POLQ: variants seen among roughly 807,000 people sequenced by gnomAD.
POLQ encodes the protein DNA polymerase theta.
In POLQ, 233 loss-of-function variants were observed where a neutral mutation model predicts 259.2. The observed-to-expected ratio is 0.90, with a 90% CI of 0.81 to 1.00. The LOEUF (loss-of-function observed/expected upper bound fraction) is 1.00. Ranked by LOEUF, POLQ falls within the 50% of genes least tolerant of loss-of-function variation. POLQ has a pLI of 0.00. For missense variants in POLQ, 2,871 were observed against 3,051.6 expected, an observed-to-expected ratio of 0.94 and a Z score of 1.39; for synonymous variants, 1,025 against 1,048.8, an observed-to-expected ratio of 0.98 and a Z score of 0.44.
chr3:121,525,617 C>T (rs983391626), intron 7 of POLQ, among the ~76,000 whole-genome samples: 1 of 152,124 alleles, frequency 6.6e-6, no homozygotes, highest in East Asian at 1.9e-4. Context: ...GGTACCAATC[C>T]TTTCGCCATT....
chr3:121,524,607 A>T (rs945747559), intron 7 of POLQ, among the ~76,000 whole-genome samples: 1 of 152,096 alleles, frequency 6.6e-6, no homozygotes, highest in African/African-American at 2.4e-5. Context: ...GAGTGAAAGC[A>T]AGCTAGATAC....
At chr3:121,475,604 T>G (rs1232389006) in intron 20 of POLQ, among the ~76,000 whole-genome samples, 2 of 152,184 alleles carry the variant, frequency 1.3e-5, no homozygotes, top group Admixed American at 1.3e-4. Flanking sequence ...GTTATATATT[T>G]AGAAGTTCTT....
At chr3:121,453,899 C>T (rs1336842591) in intron 25 of POLQ, among the ~76,000 whole-genome samples, 3 of 152,094 alleles carry the variant, frequency 2.0e-5, no homozygotes, top group African/African-American at 2.4e-5. Flanking sequence ...AGATACTCCT[C>T]GAGAAGAGCA....
intron 5 of POLQ, among the ~76,000 whole-genome samples, chr3:121,535,467 G>C (rs1167513883): frequency 6.6e-6 from 1 of 152,034 alleles, no homozygotes; most frequent in Non-Finnish European, 1.5e-5. Context: ...TATAAACCTA[G>C]CACTTTGGGA....
At chr3:121,497,001 A>G in intron 13 of POLQ, 69 bp from the exon 14 acceptor site, 1 of 1,532,392 alleles carries the variant, frequency 6.5e-7, no homozygotes, top group Non-Finnish European at 8.9e-7. Context: ...GTGTGTTGAA[A>G]AATGACTAAG....
rs185878151 is a variant in POLQ at position 121,472,314 on chromosome 3, G to A, written c.6544-150C>T. On this transcript the variant is annotated intron_variant, in intron 21 of 29. Transcript: ENST00000264233. ...ATTACTTGGAGTTTTTTAAACCACC[G>A]TATTGATAAAACTATAACTACAGTT... is the stretch of plus-strand genomic sequence containing the variant. 2.2e-3 allele frequency: 984 copies of A among 446,540 alleles called. 5 individuals carry two copies. Among genetic ancestry groups the A allele is most frequent in the Non-Finnish European group, 3.2e-3 (808 of 250,888 alleles). The allele number at this position is 446,540 out of a possible 1,614,324, so 27.7% of individuals were successfully genotyped here.
chr3:121,539,788 TAA>T (rs972433302), intron 3 of POLQ, among the ~76,000 whole-genome samples, 199 bp from the exon 4 acceptor site: 2 of 152,170 alleles, frequency 1.3e-5, no homozygotes, highest in Admixed American at 6.5e-5. Context: ...ACAAAACTGT[TAA>T]GAGTCAAATA....
At position 121,522,108 on chromosome 3, in the gene POLQ, G is replaced by T; in HGVS notation, c.1150C>A (p.Gln384Lys). Residue 384 changes from glutamine to lysine, a missense_variant, in exon 8 of 30, where the codon CAA becomes AAA. Coordinates refer to ENST00000264233, the MANE Select transcript of POLQ (RefSeq NM_199420.4). ...TCCATCACTTCCAGGAGTTCTTTTT[G>T]TTCCAGAATTACTGGTGGGCATTCA... is the stretch of plus-strand genomic sequence containing the variant. ...PSECPPVILE[Q>K]KELLEVMDQL... is the part of the protein sequence containing the mutation. The T allele has an allele frequency of 1.2e-6, 2 of 1,609,372 alleles. No individual in the cohort carries two copies. Among genetic ancestry groups the T allele is most frequent in the Non-Finnish European group, 1.7e-6 (2 of 1,178,062 alleles).
intron 25 of POLQ, among the ~76,000 whole-genome samples, chr3:121,452,297 C>T (rs2047684926): frequency 6.6e-6 from 1 of 152,088 alleles, no homozygotes; most frequent in African/African-American, 2.4e-5. Context: ...CACTGTCCAA[C>T]AAGCCCCAGT....
chr3:121,539,370 G>C (rs1253624563), intron 4 of POLQ, 63 bp downstream of exon 4: 1 of 1,281,854 alleles, frequency 7.8e-7, no homozygotes, highest in African/African-American at 1.5e-5. Flanking sequence ...AATCACAACA[G>C]CTCCACTTCA....
intron 26 of POLQ, among the ~76,000 whole-genome samples, chr3:121,441,522 G>A (rs4676677): frequency 0.69 from 105,156 of 152,000 alleles, 36,546 homozygotes; most frequent in East Asian, 0.89. Flanking sequence ...TTTTGCTAAG[G>A]AAAACATTTT....
At chr3:121,473,727 CTTTT>C (rs10636473) in intron 20 of POLQ, among the ~76,000 whole-genome samples, 2 of 114,262 alleles carry the variant, frequency 1.8e-5, no homozygotes, top group Admixed American at 1.0e-4. Flanking sequence ...AACACAAGGC[CTTTT>C]TTTTTTTTTT....
rs1358661708 is a variant in POLQ, at chr3:121,487,834, A to T, written c.5097T>A (p.Asn1699Lys). 6.2e-7 allele frequency: 1 copy of T among 1,609,664 alleles called. No individual in the cohort carries two copies. Among genetic ancestry groups the T allele is most frequent in the Non-Finnish European group, 8.5e-7 (1 of 1,178,812 alleles). ...GCATCTCAATCTTGCTTTTTACTTCATTATTAGAAGAAAATGAAATTCCCT... is the reference window on the plus strand; with the variant it reads ...GCATCTCAATCTTGCTTTTTACTTCTTTATTAGAAGAAAATGAAATTCCCT... ...QVQGISFSSN[N>K]EVKSKIEMLE... Residue 1699 changes from asparagine (N) to lysine (K), a missense_variant, in exon 16 of 30, where the codon AAT (asparagine) becomes AAA (lysine). By Grantham distance (94) the Asn-to-Lys change is moderately conservative. This residue lies in a region of POLQ where 2,080 missense variants were observed against 2,126.0 expected (regional missense o/e 0.98). Transcript: ENST00000264233.
At chr3:121,492,951 G>C (rs537923101) in intron 15 of POLQ, among the ~76,000 whole-genome samples, 9 of 151,910 alleles carry the variant, frequency 5.9e-5, no homozygotes, top group African/African-American at 2.2e-4. Flanking sequence ...GCCCCACTCA[G>C]ACGTTCTAGC....
At chr3:121,446,811 C>A (rs2108776772) in intron 26 of POLQ, among the ~76,000 whole-genome samples, 1 of 152,182 alleles carries the variant, frequency 6.6e-6, no homozygotes, top group Admixed American at 6.5e-5. Context: ...TCTTTTCCAT[C>A]CCTTTATTTT....
chr3:121,488,599 A>G lies in POLQ; in HGVS notation c.4332T>C (p.Ser1444=). The G allele has an allele frequency of 6.2e-7, 1 of 1,606,990 alleles. No homozygotes were observed. The highest frequency in any genetic ancestry group is 1.1e-5 in the South Asian group (1 of 89,168). The part of the protein sequence containing the change: ...EVSVTDSQLN[S]FLQGYQTQET... Reference sequence around the variant, plus strand: ...CTTGTGTTTGATAACCTTGAAGAAAACTATTTAATTGTGAATCAGTAACAG... The same window carrying G: ...CTTGTGTTTGATAACCTTGAAGAAAGCTATTTAATTGTGAATCAGTAACAG... The change falls in exon 16 of 30, where the codon AGT becomes AGC. Residue 1444 remains serine (S), a synonymous_variant. Coordinates refer to ENST00000264233, the MANE Select transcript of POLQ (RefSeq NM_199420.4).
intron 26 of POLQ, among the ~76,000 whole-genome samples, chr3:121,448,033 C>A (rs2047645210): frequency 6.6e-6 from 1 of 152,072 alleles, no homozygotes; most frequent in Admixed American, 6.5e-5. Flanking sequence ...CTATAACTTT[C>A]TTTTACTTGA....
chr3:121,481,845 A>AT, intron 18 of POLQ, 33 bp from the exon 19 acceptor site: 1 of 1,555,636 alleles, frequency 6.4e-7, no homozygotes, highest in South Asian at 1.2e-5. Context: ...TATTTTCCTG[A>AT]TTTTTTTCAA....
chr3:121,458,263 A>G (rs1388754890), intron 25 of POLQ, among the ~76,000 whole-genome samples: 1 of 152,140 alleles, frequency 6.6e-6, no homozygotes, highest in Admixed American at 6.5e-5. Context: ...GAGGGATAGC[A>G]TTAGGAGATA....
Sources: gnomAD v4.1 joint callset for allele counts (sites outside exome capture counted in the v4.1 genomes callset) on GRCh38, gnomAD v4.1.1 for gene constraint, gnomAD v4.1.1 regional missense constraint, MANE v1.5 for transcripts, NCBI Gene and HGNC (gene_info 2026-07-23, HGNC 2026-07-21) for gene names.